The following GGA2 variants were observed in gnomAD, a reference collection of about 807,000 sequenced individuals.
The protein encoded by GGA2 is golgi associated, gamma adaptin ear containing, ARF binding protein 2.
In GGA2, 48 loss-of-function variants were observed where a neutral mutation model predicts 79.5. The ratio of observed to expected loss-of-function variants is 0.60; its 90% CI spans 0.48 to 0.77. The LOEUF is 0.77. Among genes scored for constraint, GGA2 ranks in the 30% least tolerant of loss-of-function variants. GGA2 has a pLI of 0.00. For missense variants in GGA2, 770 were observed against 774.0 expected, an observed-to-expected ratio of 0.99 and a Z score of 0.06; for synonymous variants, 317 against 302.0, an observed-to-expected ratio of 1.05 and a Z score of -0.51.
intron 1 of GGA2, among the ~76,000 whole-genome samples, chr16:23,521,622 A>C (rs1597002848): frequency 6.6e-6 from 1 of 151,956 alleles, no homozygotes; most frequent in East Asian, 1.9e-4. Flanking sequence ...TGGTCTCCAA[A>C]CTCCTGGCCT....
chr16:23,513,845 T>C (rs1965088509), upstream of GGA2, among the ~76,000 whole-genome samples: 3 of 150,482 alleles, frequency 2.0e-5, no homozygotes, highest in Non-Finnish European at 1.5e-5. Flanking sequence ...AAAGCAATTA[T>C]CTGAGCTACT....
upstream of GGA2, chr16:23,523,904 A>G (rs1965181176): frequency 6.3e-6 from 1 of 157,920 alleles, no homozygotes; most frequent in African/African-American, 2.4e-5. Flanking sequence ...TCTGCAAGCC[A>G]ACAAAAGAGG....
intron 1 of GGA2, among the ~76,000 whole-genome samples, chr16:23,503,695 C>T (rs1964943954): frequency 6.6e-6 from 1 of 152,208 alleles, no homozygotes; most frequent in African/African-American, 2.4e-5. Context: ...TTTAGCTCCA[C>T]TGCATACTGA....
chr16:23,522,681 A>G (rs147853472), upstream of GGA2: 142 of 152,296 alleles, frequency 9.3e-4, 1 homozygote, highest in African/African-American at 3.2e-3. Context: ...CAAAATAAAT[A>G]TATTGTCTAC....
intron 9 of GGA2, 112 bp from the exon 10 acceptor site, chr16:23,480,882 T>C: frequency 1.0e-6 from 1 of 987,098 alleles, no homozygotes; most frequent in Non-Finnish European, 1.6e-6. Context: ...GTTCAGTTTA[T>C]CCACACCTCC....
chr16:23,472,661 T>G (rs1265065590), intron 14 of GGA2, among the ~76,000 whole-genome samples: 3 of 150,754 alleles, frequency 2.0e-5, no homozygotes, highest in Non-Finnish European at 4.4e-5. Context: ...TAAGCTGAGA[T>G]GGCGCCACTG....
At position 23,478,339 on chromosome 16, in the gene GGA2, C is replaced by A; in HGVS notation, c.1292+29G>T. On this transcript the variant is annotated intron_variant, in intron 13 of 16. Coordinates refer to ENST00000309859, the MANE Select transcript of GGA2 (RefSeq NM_015044.4). ...AGGAACCGCACTCAGGAGCCACACT[C>A]TCCCACTCCCCTTGCCCAGAAGACT... 2.6e-6 allele frequency: 4 copies of A among 1,542,920 alleles called. 1 individual carries two copies. Among genetic ancestry groups the A allele is most frequent in the South Asian group, 1.3e-5 (1 of 79,516 alleles).
chr16:23,498,004 G>C (rs1021818559), intron 1 of GGA2, among the ~76,000 whole-genome samples: 5 of 152,180 alleles, frequency 3.3e-5, no homozygotes, highest in Admixed American at 6.6e-5. Context: ...CAGAAGGCTG[G>C]GCGCAGTGGC....
Position 23,485,897 on chromosome 16 carries a change from G to A in GGA2, c.798+118C>T, listed in dbSNP as rs1260177773. The A allele has an allele frequency of 5.6e-6, 5 of 887,742 alleles. No homozygotes were observed. The Admixed American group carries it at 1.2e-4, about 21-fold the overall frequency. 55.0% of individuals were successfully genotyped at this position (887,742 alleles called of 1,614,324 possible). ...AAAGCAGCACAACGACATTTGGGGA[G>A]GTGTCAGATATGTTTACCGTCTTGA... is the stretch of plus-strand genomic sequence containing the variant. On this transcript the variant is annotated intron_variant, in intron 8 of 16. Coordinates refer to ENST00000309859, the MANE Select transcript of GGA2 (RefSeq NM_015044.4).
intron 13 of GGA2, 143 bp downstream of exon 13, chr16:23,478,225 C>CAAAAA (rs111229895): frequency 2.5e-5 from 12 of 470,722 alleles, no homozygotes; most frequent in Admixed American, 2.0e-4. Flanking sequence ...GAAAAAAAGA[C>CAAAAA]AAAAAAAAAA....
chr16:23,501,230 G>C (rs1337165725), intron 1 of GGA2: 3 of 451,192 alleles, frequency 6.6e-6, no homozygotes. Flanking sequence ...CGTAGCTTTG[G>C]TGTACATCGA....
intron 14 of GGA2, 42 bp from the exon 15 acceptor site, chr16:23,470,207 A>T: frequency 6.8e-7 from 1 of 1,473,548 alleles, no homozygotes; most frequent in Non-Finnish European, 9.1e-7. Flanking sequence ...CACCACTACA[A>T]ACCCCCCGGA....
intron 1 of GGA2, among the ~76,000 whole-genome samples, chr16:23,521,221 T>C (rs962640372): frequency 2.6e-5 from 4 of 152,216 alleles, no homozygotes; most frequent in Non-Finnish European, 5.9e-5. Context: ...ATCACCACCA[T>C]TGACCCCTGT....
At chr16:23,505,514 A>C (rs187440152) in intron 1 of GGA2, among the ~76,000 whole-genome samples, 20 of 152,342 alleles carry the variant, frequency 1.3e-4, no homozygotes, top group African/African-American at 4.8e-4. Flanking sequence ...GTGGAAAAAA[A>C]CACCACAGAA....
intron 3 of GGA2, chr16:23,493,994 T>C (rs1287296687): frequency 7.1e-6 from 3 of 420,658 alleles, no homozygotes; most frequent in Non-Finnish European, 1.3e-5. Context: ...GGCCCTGTGC[T>C]AGAACTGCCC....
chr16:23,486,952 A>G (rs1964721511), intron 6 of GGA2, among the ~76,000 whole-genome samples, 162 bp from the exon 7 acceptor site: 1 of 150,442 alleles, frequency 6.6e-6, no homozygotes, highest in Non-Finnish European at 1.5e-5. Flanking sequence ...CACTCTGACT[A>G]TCCCAATACA....
intron 11 of GGA2, 172 bp from the exon 12 acceptor site, chr16:23,479,083 G>T (rs763726112): frequency 1.6e-6 from 1 of 642,586 alleles, no homozygotes; most frequent in Non-Finnish European, 2.8e-6. Flanking sequence ...ATGCAAGGGG[G>T]ACCCTCTGAA....
intron 6 of GGA2, 24 bp downstream of exon 6, chr16:23,488,580 GAC>G (rs1964744051): frequency 1.5e-6 from 2 of 1,291,362 alleles, no homozygotes; most frequent in South Asian, 2.4e-5. Context: ...GGTCTGATCA[GAC>G]ACCATGTAGG....
intron 9 of GGA2, among the ~76,000 whole-genome samples, chr16:23,481,875 T>G (rs2142122573): frequency 6.6e-6 from 1 of 152,264 alleles, no homozygotes; most frequent in Non-Finnish European, 1.5e-5. Context: ...CTTTTATGTC[T>G]GATTTAGAAC....
Sources: gnomAD v4.1 joint callset for allele counts (sites outside exome capture counted in the v4.1 genomes callset) on GRCh38, gnomAD v4.1.1 for gene constraint, MANE v1.5 for transcripts, NCBI Gene and HGNC (gene_info 2026-07-23, HGNC 2026-07-21) for gene names.